The following TSNARE1 variants were observed in gnomAD, a reference collection of about 807,000 sequenced individuals.
TSNARE1 encodes t-SNARE domain containing 1, also known as t-SNARE domain-containing protein 1.
In TSNARE1, 49 loss-of-function variants were observed where a neutral mutation model predicts 62.0. That is an observed-to-expected ratio of 0.79 (90% CI 0.63 to 1.00). TSNARE1 has a LOEUF of 1.00. Ranked by LOEUF, TSNARE1 falls within the 50% of genes least tolerant of loss-of-function variation. The pLI is 0.00. For missense variants in TSNARE1, 755 were observed against 700.1 expected (o/e 1.08, Z -0.88); for synonymous variants, 328 against 294.4 (o/e 1.11, Z -1.17).
chr8:142,238,362 C>A (rs1323192480), intron 12 of TSNARE1, among the ~76,000 whole-genome samples: 2 of 152,156 alleles, frequency 1.3e-5, no homozygotes, highest in African/African-American at 4.8e-5. Flanking sequence ...CCTTTCCTGC[C>A]TCCTTTCCAC....
intron 9 of TSNARE1, among the ~76,000 whole-genome samples, chr8:142,308,388 A>G (rs1827033246): frequency 6.6e-6 from 1 of 152,136 alleles, no homozygotes; most frequent in African/African-American, 2.4e-5. Flanking sequence ...GCACAGGGTG[A>G]GCTGACGTTT....
chr8:142,227,020 C>G (rs372054894), intron 13 of TSNARE1, among the ~76,000 whole-genome samples: 3 of 101,974 alleles, frequency 2.9e-5, no homozygotes, highest in South Asian at 6.3e-4. Context: ...GACAGCCAAG[C>G]CCCCCACTGC....
chr8:142,357,254 A>G (rs1834819050), intron 1 of TSNARE1, among the ~76,000 whole-genome samples: 1 of 152,214 alleles, frequency 6.6e-6, no homozygotes, highest in African/African-American at 2.4e-5. Context: ...TCAAGAGCAC[A>G]AGCCGTCTTG....
chr8:142,289,849 C>T (rs1444672756), intron 10 of TSNARE1, among the ~76,000 whole-genome samples: 2 of 152,240 alleles, frequency 1.3e-5, no homozygotes, highest in Admixed American at 6.5e-5. Context: ...CCTGCGGCTG[C>T]GAGAGAGCCG....
rs2130070405 is a variant in TSNARE1, at chr8:142,229,481, G to A, written c.*3C>T. ...GTAGGTGGGGTACTCACCACGGGTA[G>A]CATCACTTTCGGACAGAGGTGGCGA... On this transcript the variant is annotated 3_prime_UTR_variant, in exon 13 of 14. Coordinates refer to ENST00000524325, the MANE Select transcript of TSNARE1 (RefSeq NM_145003.5). The A allele has an allele frequency of 6.2e-7, 1 of 1,613,870 alleles. No individual in the cohort carries two copies. The highest frequency in any genetic ancestry group is 8.5e-7 in the Non-Finnish European group (1 of 1,179,784).
chr8:142,391,301 C>T (rs1391417661), intron 1 of TSNARE1, among the ~76,000 whole-genome samples: 1 of 147,064 alleles, frequency 6.8e-6, no homozygotes, highest in African/African-American at 2.6e-5. Flanking sequence ...GTAACAGACG[C>T]TGTACACTGC....
At chr8:142,297,942 C>T (rs913450744) in intron 10 of TSNARE1, among the ~76,000 whole-genome samples, 5 of 152,228 alleles carry the variant, frequency 3.3e-5, no homozygotes, top group African/African-American at 7.2e-5. Context: ...CATGAAGATC[C>T]ACATCCTCTG....
At chr8:142,347,235 C>T (rs1218099274) in intron 2 of TSNARE1, among the ~76,000 whole-genome samples, 1 of 152,246 alleles carries the variant, frequency 6.6e-6, no homozygotes, top group Non-Finnish European at 1.5e-5. Context: ...AGAAGACAAC[C>T]CTCTGGAGGG....
intron 13 of TSNARE1, among the ~76,000 whole-genome samples, chr8:142,218,828 C>T (rs1343903837): frequency 6.6e-6 from 1 of 152,202 alleles, no homozygotes; most frequent in Non-Finnish European, 1.5e-5. Flanking sequence ...TGACACTTTC[C>T]AAATAGCTTA....
At chr8:142,266,009 G>A (rs574545961) in intron 12 of TSNARE1, among the ~76,000 whole-genome samples, 8 of 152,168 alleles carry the variant, frequency 5.3e-5, no homozygotes, top group Non-Finnish European at 1.2e-4. Flanking sequence ...CTAGTCACTG[G>A]CTTCTCTTTT....
chr8:142,261,098 G>A, intron 12 of TSNARE1, among the ~76,000 whole-genome samples: 1 of 108,408 alleles, frequency 9.2e-6, no homozygotes, highest in Non-Finnish European at 1.9e-5. Context: ...AAGGAGGGAA[G>A]AGAGGGGGAG....
chr8:142,400,152 A>C (rs562575120), intron 1 of TSNARE1, among the ~76,000 whole-genome samples: 121 of 152,230 alleles, frequency 7.9e-4, no homozygotes, highest in African/African-American at 2.9e-3. Context: ...CCTGGCCAAA[A>C]AGAAGAAGTG....
At position 142,382,344 on chromosome 8, in the gene TSNARE1, G is replaced by A. The variant is rs1300844533; in HGVS notation, c.-40+20760C>T. The stretch of plus-strand genomic sequence containing the variant: ...CCGATCGCTAACGGCACAAATGGGC[G>A]GTCAGAACACCAGCAACACACATCC... On this transcript the variant is annotated intron_variant, in intron 1 of 13. Transcript: ENST00000524325. 5.3e-5 allele frequency among the ~76,000 whole-genome samples: 8 copies of A among 152,262 alleles called. 1 individual carries two copies. Among genetic ancestry groups the A allele is most frequent in the Middle Eastern group, 6.8e-3 (2 of 294 alleles).
intron 13 of TSNARE1, among the ~76,000 whole-genome samples, chr8:142,222,683 T>C (rs911952132): frequency 7.7e-4 from 20 of 25,930 alleles, no homozygotes; most frequent in African/African-American, 1.4e-3. Context: ...CATCCACTCA[T>C]CCACTCACTC....
At chr8:142,385,565 G>A (rs1050025752) in intron 1 of TSNARE1, among the ~76,000 whole-genome samples, 1 of 152,168 alleles carries the variant, frequency 6.6e-6, no homozygotes. Context: ...TACGACAAGA[G>A]GGAGTGAGGT....
chr8:142,401,848 A>C (rs1298422635), intron 1 of TSNARE1, among the ~76,000 whole-genome samples: 2 of 152,132 alleles, frequency 1.3e-5, no homozygotes, highest in Non-Finnish European at 2.9e-5. Flanking sequence ...CGGTCCTGTG[A>C]TGTATGGGGT....
intron 11 of TSNARE1, chr8:142,275,628 C>A: frequency 1.0e-6 from 1 of 985,420 alleles, no homozygotes; most frequent in Non-Finnish European, 1.2e-6. Flanking sequence ...CAAACACGAG[C>A]AAACACGAGC....
chr8:142,381,614 G>A (rs1836754706), intron 1 of TSNARE1, among the ~76,000 whole-genome samples: 1 of 152,208 alleles, frequency 6.6e-6, no homozygotes, highest in Admixed American at 6.5e-5. Flanking sequence ...TGAGGGGTCT[G>A]GAGTGAGGCA....
chr8:142,311,502 G>T (rs1382428070), intron 9 of TSNARE1, among the ~76,000 whole-genome samples: 1 of 151,528 alleles, frequency 6.6e-6, no homozygotes, highest in East Asian at 2.0e-4. Flanking sequence ...TCTCCATGTT[G>T]GTCAGGCTGG....
Sources: allele counts gnomAD v4.1 joint callset (sites outside exome capture counted in the v4.1 genomes callset), GRCh38; gene constraint gnomAD v4.1.1; transcripts MANE v1.5; gene names NCBI Gene and HGNC (gene_info 2026-07-23, HGNC 2026-07-21).